Variants in EVI5L observed in about 807,000 individuals in gnomAD.
The protein encoded by EVI5L is ecotropic viral integration site 5 like.
Under a neutral mutation model 106.1 loss-of-function variants are expected in EVI5L, and 30 were observed. The ratio of observed to expected loss-of-function variants is 0.28; its 90% CI spans 0.21 to 0.38. The LOEUF (loss-of-function observed/expected upper bound fraction) is 0.38. Ranked by LOEUF, EVI5L falls within the 10% of genes least tolerant of loss-of-function variation. The probability of loss-of-function intolerance (pLI) is 1.00; values close to 1 mark genes in which losing one functional copy is unlikely to be tolerated. For synonymous variants in EVI5L, 489 were observed against 483.3 expected (o/e 1.01, Z -0.15); for missense variants, 809 against 1,098.0 (o/e 0.74, Z 3.72).
chr19:7,844,011 A>G (rs895783060), intron 1 of EVI5L, among the ~76,000 whole-genome samples: 2 of 151,986 alleles, frequency 1.3e-5, no homozygotes, highest in Non-Finnish European at 2.9e-5. Context: ...TAGCTGAACA[A>G]CCTCTGCTGG....
At chr19:7,842,771 A>T (rs201035958) in intron 1 of EVI5L, among the ~76,000 whole-genome samples, 5 of 151,456 alleles carry the variant, frequency 3.3e-5, no homozygotes, top group South Asian at 2.1e-4. Context: ...TGTGTATATG[A>T]GTGTGCGTGC....
rs190074838 is a variant in EVI5L, at chr19:7,843,491, G to A, written c.-47-3005G>A. Among the ~76,000 whole-genome samples the A allele has an allele frequency of 2.7e-5, 4 of 146,686 alleles. No homozygotes were observed. The East Asian group carries it at 6.2e-4, about 23-fold the overall frequency. On this transcript the variant is annotated intron_variant, in intron 1 of 19. Transcript: ENST00000538904. ...GAATAGGCATGGGTGTGTCAAGTGTGCATGTGTATAGGTGTATGAGTGTGT... is the reference window on the plus strand; with the variant it reads ...GAATAGGCATGGGTGTGTCAAGTGTACATGTGTATAGGTGTATGAGTGTGT...
chr19:7,848,554 C>T lies in EVI5L; in HGVS notation c.328-367C>T, dbSNP rs1461851277. Reference sequence around the variant, plus strand: ...AAGAGGTAGCAGTGAGCCAAGATCACGCCACTGCACTCCGGCGTGGGCAAC... The same window carrying T: ...AAGAGGTAGCAGTGAGCCAAGATCATGCCACTGCACTCCGGCGTGGGCAAC... On this transcript the variant is annotated intron_variant, in intron 3 of 19. Transcript: ENST00000538904. This position sits in a 1 kb window ranked among gnomAD's most constrained non-coding sequence, Gnocchi z 4.8. 2.6e-5 allele frequency among the ~76,000 whole-genome samples: 4 copies of T among 151,498 alleles called. No individual in the cohort carries two copies. Among genetic ancestry groups the T allele is most frequent in the East Asian group, 1.9e-4 (1 of 5,142 alleles).
chr19:7,851,260 G>A (rs1459643496), intron 6 of EVI5L, among the ~76,000 whole-genome samples, 174 bp from the exon 7 acceptor site: 7 of 152,124 alleles, frequency 4.6e-5, no homozygotes, highest in Admixed American at 2.6e-4. Flanking sequence ...CTCAAAGCTC[G>A]GGGGTGCTTC....
At chr19:7,842,126 GTGAA>G (rs1257052543) in intron 1 of EVI5L, among the ~76,000 whole-genome samples, 1 of 152,134 alleles carries the variant, frequency 6.6e-6, no homozygotes, top group African/African-American at 2.4e-5. Context: ...GCCTGAGTGT[GTGAA>G]TGTATGTCAT....
In EVI5L at chr19:7,858,148, A is replaced by T. The variant is rs1353055168; in HGVS notation, c.1234-43A>T. 1 of 1,538,136 alleles carries T rather than the reference A, an allele frequency of 6.5e-7. No homozygotes were observed. The highest frequency in any genetic ancestry group is 8.8e-7 in the Non-Finnish European group (1 of 1,140,084). ...GAGGCAGGGCCTTGGGTGGGAGCCGAGGGTCACGGCCTCCCCCTGCCCCCT... is the reference window on the plus strand; with the variant it reads ...GAGGCAGGGCCTTGGGTGGGAGCCGTGGGTCACGGCCTCCCCCTGCCCCCT... On this transcript the variant is annotated intron_variant, in intron 12 of 19. Coordinates refer to ENST00000538904, the MANE Select transcript of EVI5L (RefSeq NM_001159944.3). This position sits in a 1 kb window ranked among gnomAD's most constrained non-coding sequence, Gnocchi z 5.7.
chr19:7,861,663 G>A (rs961250177), intron 14 of EVI5L, among the ~76,000 whole-genome samples: 2 of 152,180 alleles, frequency 1.3e-5, no homozygotes, highest in Admixed American at 6.5e-5. Context: ...TGTGAGAGTA[G>A]GTGCTGTTAC....
rs1452612829 is a variant in EVI5L at position 7,842,454 on chromosome 19, AAT to A, written c.-47-4041_-47-4040del. Among the ~76,000 whole-genome samples the A allele has an allele frequency of 1.9e-4, 7 of 36,306 alleles. No individual in the cohort carries two copies. The South Asian group carries it at 4.0e-3, about 21-fold the overall frequency. 23.8% of individuals were successfully genotyped at this position (36,306 alleles called of 152,430 possible). On this transcript the variant is annotated intron_variant, in intron 1 of 19. Transcript: ENST00000538904. ...GTGTGCATGTCTGTGAGAATGTGTG[AAT>A]GTGTGTGTATCAAGTGTGTGCATGT...
rs1979651778 is a variant in EVI5L at position 7,858,598 on chromosome 19, C to T, written c.1374+267C>T. 1.9e-6 allele frequency: 1 copy of T among 513,532 alleles called. No individual in the cohort carries two copies. The highest frequency in any genetic ancestry group is 3.6e-5 in the Admixed American group (1 of 27,598). The allele number at this position is 513,532 out of a possible 1,614,324, so 31.8% of individuals were successfully genotyped here. ...ACCCCCAGCCTCAGCACGGAGGCCT[C>T]TGAAGACCGGGCTGTCCCTGCAGGG... is the stretch of plus-strand genomic sequence containing the variant. On this transcript the variant is annotated intron_variant, in intron 13 of 19. Coordinates refer to ENST00000538904, the MANE Select transcript of EVI5L (RefSeq NM_001159944.3). The surrounding 1 kb of genome is among the most constrained non-coding windows in gnomAD (Gnocchi z 5.7).
At chr19:7,861,747 G>A in intron 14 of EVI5L, 131 bp from the exon 15 acceptor site, 1 of 1,247,048 alleles carries the variant, frequency 8.0e-7, no homozygotes, top group Non-Finnish European at 1.1e-6. Flanking sequence ...CCTTGTCAAG[G>A]GGGTCGCCCT....
At chr19:7,831,067 G>A (rs1978291702) in intron 1 of EVI5L, among the ~76,000 whole-genome samples, 1 of 149,780 alleles carries the variant, frequency 6.7e-6, no homozygotes, top group African/African-American at 2.5e-5. Flanking sequence ...ACCACTCCCC[G>A]GCGTCCACCC....
intron 1 of EVI5L, among the ~76,000 whole-genome samples, chr19:7,837,914 G>A (rs1225235141): frequency 6.6e-6 from 1 of 151,600 alleles, no homozygotes; most frequent in Non-Finnish European, 1.5e-5. Flanking sequence ...TGTTGGTTAG[G>A]CTGGTCTCGA....
In EVI5L at chr19:7,863,217, C is replaced by G; in HGVS notation, c.2076C>G (p.Asn692Lys). 6.4e-7 allele frequency: 1 copy of G among 1,561,960 alleles called. No individual in the cohort carries two copies. Among genetic ancestry groups the G allele is most frequent in the Non-Finnish European group, 8.7e-7 (1 of 1,153,378 alleles). Reference sequence around the variant, plus strand: ...AAGGCCGCATCCAGGGCCAGCTGAACCACTCGGACTCATCGCAGTACATCC... The same window carrying G: ...AAGGCCGCATCCAGGGCCAGCTGAAGCACTCGGACTCATCGCAGTACATCC... ...REEGRIQGQL[N>K]HSDSSQYIRE... The change falls in exon 19 of 20, where the codon AAC (asparagine) becomes AAG (lysine). Residue 692 changes from asparagine (N) to lysine (K), a missense_variant. By Grantham distance (94) the Asn-to-Lys change is moderately conservative. Coordinates refer to ENST00000538904, the MANE Select transcript of EVI5L (RefSeq NM_001159944.3). This position sits in a 1 kb window ranked among gnomAD's most constrained non-coding sequence, Gnocchi z 7.7.
rs1979570095 is a variant in EVI5L, at chr19:7,857,181, T to C, written c.1233+57T>C. The C allele has an allele frequency of 6.5e-7, 1 of 1,544,588 alleles. No individual in the cohort carries two copies. The highest frequency in any genetic ancestry group is 1.2e-5 in the South Asian group (1 of 83,910). On this transcript the variant is annotated intron_variant, in intron 12 of 19. Coordinates refer to ENST00000538904, the MANE Select transcript of EVI5L (RefSeq NM_001159944.3). The surrounding 1 kb of genome is among the most constrained non-coding windows in gnomAD (Gnocchi z 4.5). ...CCTTCCTGGCCCCTTCCCTGCACCC[T>C]GCACATGACAGCCAGTAACCGCCTC...
At position 7,834,534 on chromosome 19, in the gene EVI5L, A is replaced by G. The variant is rs913965514; in HGVS notation, c.-48+4153A>G. ...GCTGCTGTTGCTGCTATTGTTATCA[A>G]TAAAGATTATTCTAGTTTTACTGTG... On this transcript the variant is annotated intron_variant, in intron 1 of 19. Transcript: ENST00000538904. 2.0e-5 allele frequency among the ~76,000 whole-genome samples: 3 copies of G among 152,250 alleles called. No homozygotes were observed. The East Asian group carries it at 5.8e-4, about 29-fold the overall frequency.
intron 1 of EVI5L, among the ~76,000 whole-genome samples, chr19:7,842,416 AGTGTGTGCAT>A (rs1252372515): frequency 1.6e-5 from 1 of 64,460 alleles, no homozygotes; most frequent in East Asian, 3.9e-4. Context: ...GTGTGTATCA[AGTGTGTGCAT>A]GTGTGTGCAT....
intron 1 of EVI5L, among the ~76,000 whole-genome samples, chr19:7,839,834 G>A (rs1026548164): frequency 1.3e-5 from 2 of 152,068 alleles, no homozygotes; most frequent in Non-Finnish European, 2.9e-5. Context: ...GAGGTGGGAG[G>A]ATCACTTGAG....
At chr19:7,852,598 C>CT (rs1302773476) in intron 8 of EVI5L, among the ~76,000 whole-genome samples, 1 of 151,438 alleles carries the variant, frequency 6.6e-6, no homozygotes, top group Non-Finnish European at 1.5e-5. Context: ...GTGGCCCAGG[C>CT]TGGAGTACAG....
chr19:7,839,748 A>AC (rs2146414644), intron 1 of EVI5L, among the ~76,000 whole-genome samples: 1 of 109,888 alleles, frequency 9.1e-6, no homozygotes, highest in South Asian at 4.0e-4. Flanking sequence ...ACATAGTGAG[A>AC]CCCCAAGTCT....
Sources: gnomAD v4.1 joint callset for allele counts (sites outside exome capture counted in the v4.1 genomes callset) on GRCh38, gnomAD v4.1.1 for gene constraint, Gnocchi (gnomAD v3.1) non-coding constraint, MANE v1.5 for transcripts, NCBI Gene and HGNC (gene_info 2026-07-23, HGNC 2026-07-21) for gene names.